The following LRRFIP1 variants were observed in gnomAD, a reference collection of about 807,000 sequenced individuals.
The protein encoded by LRRFIP1 is leucine-rich repeat flightless-interacting protein 1.
In LRRFIP1, 62 loss-of-function variants were observed where a neutral mutation model predicts 104.4. The ratio of observed to expected loss-of-function variants is 0.59; its 90% CI spans 0.48 to 0.73. The LOEUF (loss-of-function observed/expected upper bound fraction) is 0.73, where lower values mean the gene tolerates loss of function less well. Among genes scored for constraint, LRRFIP1 ranks in the 30% least tolerant of loss-of-function variants. LRRFIP1 has a pLI of 0.00. For missense variants in LRRFIP1, 796 were observed against 824.5 expected (o/e 0.97, Z 0.42); for synonymous variants, 300 against 299.0 (o/e 1.00, Z -0.03).
rs1162747155 is a variant in LRRFIP1, at chr2:237,703,893, C to T, written c.97-4651C>T. On this transcript the variant is annotated intron_variant, in intron 1 of 23. Coordinates refer to ENST00000308482, the MANE Select transcript of LRRFIP1 (RefSeq NM_001137550.2). This position sits in a 1 kb window ranked among gnomAD's most constrained non-coding sequence, Gnocchi z 4.3. Reference sequence around the variant, plus strand: ...AGGCTACTCACAGAAAGTGACAGGCCGTGTTCAGAAGCTCTTCAAGCAGTC... The same window carrying T: ...AGGCTACTCACAGAAAGTGACAGGCTGTGTTCAGAAGCTCTTCAAGCAGTC... Among the ~76,000 whole-genome samples, 10 of 152,112 alleles carry T rather than the reference C, an allele frequency of 6.6e-5. 1 individual carries two copies. The highest frequency in any genetic ancestry group is 4.6e-4 in the Admixed American group (7 of 15,274).
intron 19 of LRRFIP1, among the ~76,000 whole-genome samples, chr2:237,761,819 A>G (rs190476970): frequency 6.6e-6 from 1 of 152,384 alleles, no homozygotes; most frequent in East Asian, 1.9e-4. Context: ...GTAACATAGT[A>G]CCATATCTAA....
chr2:237,649,710 G>A lies in LRRFIP1; in HGVS notation c.96+21970G>A, dbSNP rs1233682114. ...TTCTCACCGGAGTCCTCGTCCCATCGCCTCCTCTCTCCCTGCCGCGGTTCG... is the reference window on the plus strand; with the variant it reads ...TTCTCACCGGAGTCCTCGTCCCATCACCTCCTCTCTCCCTGCCGCGGTTCG... On this transcript the variant is annotated intron_variant, in intron 1 of 23. Transcript: ENST00000308482. This position sits in a 1 kb window ranked among gnomAD's most constrained non-coding sequence, Gnocchi z 4.1. Among the ~76,000 whole-genome samples, 4 of 151,986 alleles carry A rather than the reference G, an allele frequency of 2.6e-5. No individual in the cohort carries two copies. Among genetic ancestry groups the A allele is most frequent in the South Asian group, 2.1e-4 (1 of 4,814 alleles).
rs769284914 is a variant in LRRFIP1 at position 237,733,783 on chromosome 2, CTG to C, written c.456_457del (p.Tyr153GlnfsTer16). 24 of 1,614,058 alleles carry C rather than the reference CTG, an allele frequency of 1.5e-5. No individual in the cohort carries two copies. The South Asian group carries it at 2.6e-4, about 18-fold the overall frequency. ...LNRRSGRPSC[L>X]YSAARPSGSY... ...TGCTTTCATCCTCCAGCCCTCCTGT[CTG>C]TACAGCGCTGCCCGGCCTTCGGGGA... On this transcript the variant is annotated frameshift_variant, in exon 9 of 24. Coordinates refer to ENST00000308482, the MANE Select transcript of LRRFIP1 (RefSeq NM_001137550.2). LOFTEE classifies it high-confidence loss of function.
intron 23 of LRRFIP1, 45 bp downstream of exon 23, chr2:237,774,507 T>G: frequency 7.8e-7 from 1 of 1,279,224 alleles, no homozygotes; most frequent in Non-Finnish European, 1.1e-6. Flanking sequence ...GCTGCCAGTA[T>G]TTCTCTAGTG....
chr2:237,745,484 CTA>C (rs2057716920), intron 11 of LRRFIP1, among the ~76,000 whole-genome samples: 1 of 152,142 alleles, frequency 6.6e-6, no homozygotes, highest in African/African-American at 2.4e-5. Context: ...AAACAGCAAA[CTA>C]TGGTTTTTGG....
chr2:237,744,297 A>G (rs1361043309), intron 11 of LRRFIP1, among the ~76,000 whole-genome samples: 1 of 152,234 alleles, frequency 6.6e-6, no homozygotes, highest in Non-Finnish European at 1.5e-5. Context: ...AGGACCTCGC[A>G]AGGATGTTGC....
At chr2:237,668,063 C>T (rs966010251) in intron 1 of LRRFIP1, among the ~76,000 whole-genome samples, 1 of 152,158 alleles carries the variant, frequency 6.6e-6, no homozygotes, top group African/African-American at 2.4e-5. Context: ...CAACACTCTT[C>T]ATCACCCTGC....
At chr2:237,689,689 G>A (rs1462561382) in intron 1 of LRRFIP1, among the ~76,000 whole-genome samples, 1 of 152,142 alleles carries the variant, frequency 6.6e-6, no homozygotes, top group South Asian at 2.1e-4. Flanking sequence ...TTCTTGGTCT[G>A]GTGCCCAGCT....
At chr2:237,728,859 A>G (rs913580346) in intron 8 of LRRFIP1, among the ~76,000 whole-genome samples, 12 of 152,112 alleles carry the variant, frequency 7.9e-5, no homozygotes, top group African/African-American at 2.9e-4. Context: ...TAGCTTTCTG[A>G]AACCAGCTGA....
In LRRFIP1 at chr2:237,764,067, A is replaced by G. The variant is rs1363660204; in HGVS notation, c.1459+3862A>G. ...CCAGGAAGAGAGCCAGGGCACTTCA[A>G]TCCAGAAAGCAGAGAAGATACCAGA... On this transcript the variant is annotated intron_variant, in intron 19 of 23. Transcript: ENST00000308482. 10 of 1,614,120 alleles carry G rather than the reference A, an allele frequency of 6.2e-6. No homozygotes were observed. In the Admixed American group the frequency reaches 1.7e-4, roughly 27 times the overall value.
intron 1 of LRRFIP1, among the ~76,000 whole-genome samples, chr2:237,680,784 C>A (rs754415352): frequency 1.1e-4 from 17 of 152,152 alleles, no homozygotes; most frequent in Non-Finnish European, 2.1e-4. Flanking sequence ...GAGTTGGAGA[C>A]CAACCTGGGC....
At chr2:237,687,928 T>C (rs2092492524) in intron 1 of LRRFIP1, among the ~76,000 whole-genome samples, 1 of 152,214 alleles carries the variant, frequency 6.6e-6, no homozygotes, top group Non-Finnish European at 1.5e-5. Context: ...ACTAACACCA[T>C]GGAGACAAAG....
intron 1 of LRRFIP1, among the ~76,000 whole-genome samples, chr2:237,694,577 C>T (rs1468843479): frequency 6.6e-6 from 1 of 152,200 alleles, no homozygotes; most frequent in Non-Finnish European, 1.5e-5. Context: ...CCAGTTCTTG[C>T]TCTGCATTGT....
chr2:237,644,214 G>A (rs75757679), intron 1 of LRRFIP1, among the ~76,000 whole-genome samples: 2,876 of 152,330 alleles, frequency 0.019, 89 homozygotes, highest in African/African-American at 0.065. Flanking sequence ...CACTGCCGGC[G>A]CGATGAGCTC....
chr2:237,629,121 A>T (rs1257443989), intron 1 of LRRFIP1, among the ~76,000 whole-genome samples: 1 of 152,262 alleles, frequency 6.6e-6, no homozygotes, highest in East Asian at 1.9e-4. Context: ...GACAGGAAAT[A>T]TCTTACTTTT....
intron 1 of LRRFIP1, among the ~76,000 whole-genome samples, chr2:237,641,753 T>A (rs1314005542): frequency 6.6e-6 from 1 of 152,240 alleles, no homozygotes; most frequent in African/African-American, 2.4e-5. Flanking sequence ...ATATGATTTT[T>A]AAAAATATGT....
chr2:237,770,105 C>A (rs2060493136), intron 20 of LRRFIP1, 113 bp downstream of exon 20: 2 of 793,130 alleles, frequency 2.5e-6, no homozygotes, highest in Non-Finnish European at 2.1e-6. Context: ...GTCTGAAAGT[C>A]TTTATCAAGC....
At chr2:237,751,912 G>T (rs2058672539) in intron 14 of LRRFIP1, among the ~76,000 whole-genome samples, 1 of 152,208 alleles carries the variant, frequency 6.6e-6, no homozygotes, top group Non-Finnish European at 1.5e-5. Flanking sequence ...GGCAGCAGCG[G>T]ATCATGGATC....
At chr2:237,647,410 C>T (rs925561928) in intron 1 of LRRFIP1, among the ~76,000 whole-genome samples, 3 of 152,022 alleles carry the variant, frequency 2.0e-5, no homozygotes, top group Non-Finnish European at 4.4e-5. Context: ...AGGTGGGCTC[C>T]TCTAGCCAAT....
Sources: allele counts gnomAD v4.1 joint callset (sites outside exome capture counted in the v4.1 genomes callset), GRCh38; gene constraint gnomAD v4.1.1; non-coding constraint Gnocchi (gnomAD v3.1); transcripts MANE v1.5; gene names NCBI Gene and HGNC (gene_info 2026-07-23, HGNC 2026-07-21).